PRR16: variants seen among roughly 807,000 people sequenced by gnomAD.
PRR16 encodes protein Largen.
A neutral mutation model predicts 18.2 loss-of-function variants in PRR16; 6 were observed. The observed-to-expected ratio is 0.33, with a 90% confidence interval of 0.18 to 0.65. The LOEUF is 0.65. Ranked by LOEUF, PRR16 falls within the 30% of genes least tolerant of loss-of-function variation. PRR16 has a pLI of 0.74. For synonymous variants in PRR16, 151 were observed against 147.8 expected (o/e 1.02, Z -0.16); for missense variants, 412 against 376.6 (o/e 1.09, Z -0.78).
intron 1 of PRR16, among the ~76,000 whole-genome samples, chr5:120,610,454 TC>T (rs1419266864): frequency 6.6e-6 from 1 of 152,034 alleles, no homozygotes; most frequent in East Asian, 1.9e-4. Context: ...TTTGGCTATG[TC>T]CCCACCCATA....
At chr5:120,556,616 T>C (rs1240735683) in intron 1 of PRR16, among the ~76,000 whole-genome samples, 1 of 151,994 alleles carries the variant, frequency 6.6e-6, no homozygotes, top group African/African-American at 2.4e-5. Context: ...AGTTTCATCT[T>C]TGCCATTTGC....
At chr5:120,733,788 T>A in the PRR16 span, among the ~76,000 whole-genome samples, 1 of 152,212 alleles carries the variant, frequency 6.6e-6, no homozygotes, top group African/African-American at 2.4e-5. Context: ...TGTAATTTTT[T>A]ATCAATTGTT....
intron 1 of PRR16, among the ~76,000 whole-genome samples, chr5:120,533,157 G>A (rs551307288): frequency 1.3e-5 from 2 of 152,290 alleles, no homozygotes; most frequent in East Asian, 1.9e-4. Flanking sequence ...GTGATCTAGA[G>A]TTCTGCGGAG....
rs768335132 is a variant in PRR16, at chr5:120,686,702, C to T, written c.908C>T (p.Thr303Ile). The T allele has an allele frequency of 2.0e-6, 3 of 1,509,942 alleles. No individual in the cohort carries two copies. The South Asian group carries it at 4.1e-5, about 21-fold the overall frequency. 93.5% of individuals were successfully genotyped at this position (1,509,942 alleles called of 1,614,324 possible). The change falls in exon 2 of 2, where the codon ACC (threonine) becomes ATC (isoleucine). Residue 303 changes from threonine (T) to isoleucine (I), a missense_variant. Physicochemically the swap from Thr to Ile is moderately conservative, Grantham distance 89. Transcript: ENST00000407149. ...ATCTTGAGGAAGTCAACCACTACAA[C>T]CGTGTGATGTATGCCATTAAAAAAA... ...KTILRKSTTT[T>I]V
At chr5:120,587,357 C>G (rs1466179585) in intron 1 of PRR16, among the ~76,000 whole-genome samples, 1 of 152,186 alleles carries the variant, frequency 6.6e-6, no homozygotes, top group African/African-American at 2.4e-5. Context: ...AAATAGCTTT[C>G]TATTGAAAGA....
At chr5:120,493,872 C>CT (rs1399292237) in intron 1 of PRR16, among the ~76,000 whole-genome samples, 1 of 151,802 alleles carries the variant, frequency 6.6e-6, no homozygotes, top group Non-Finnish European at 1.5e-5. Context: ...ATGGTTTATT[C>CT]TTTTTTTTGC....
chr5:120,648,167 C>G (rs1755658297), intron 1 of PRR16, among the ~76,000 whole-genome samples: 1 of 152,016 alleles, frequency 6.6e-6, no homozygotes, highest in Non-Finnish European at 1.5e-5. Context: ...GTTGTAGTCA[C>G]TAGATGTTTT....
rs114851275 is a variant in PRR16 at position 120,483,618 on chromosome 5, A to G, written c.159+18973A>G. On this transcript the variant is annotated intron_variant, in intron 1 of 1. Transcript: ENST00000407149. ...GGAAACACTGTTCTTGATCATGTTG[A>G]TTGAATAAATGTCAGAATGTGTCAT... 5.5e-3 allele frequency among the ~76,000 whole-genome samples: 830 copies of G among 152,280 alleles called. 4 individuals carry two copies. Among genetic ancestry groups the G allele is most frequent in the Middle Eastern group, 0.048 (14 of 294 alleles).
Position 120,685,918 on chromosome 5 carries a change from C to A in PRR16, c.160-36C>A. On this transcript the variant is annotated intron_variant, in intron 1 of 1. Coordinates refer to ENST00000407149, the MANE Select transcript of PRR16 (RefSeq NM_001300783.2). ...TGTTTCTAGTATACTTTGTTTGGGT[C>A]ATTCTTCAAAACAATTACCTTGTCC... The A allele has an allele frequency of 1.9e-6, 3 of 1,568,926 alleles. No individual in the cohort carries two copies. The South Asian group carries it at 3.5e-5, about 18-fold the overall frequency.
intron 1 of PRR16, among the ~76,000 whole-genome samples, chr5:120,563,630 G>T (rs1752645093): frequency 6.6e-6 from 1 of 152,078 alleles, no homozygotes; most frequent in South Asian, 2.1e-4. Context: ...GACTCACCAT[G>T]GGCCAGTGTG....
At chr5:120,487,284 G>A (rs1432407954) in intron 1 of PRR16, among the ~76,000 whole-genome samples, 22 of 152,144 alleles carry the variant, frequency 1.4e-4, no homozygotes, top group Admixed American at 1.4e-3. Context: ...CATGAGCATG[G>A]AATGTTCTTC....
the PRR16 span, among the ~76,000 whole-genome samples, chr5:120,704,322 C>G: frequency 1.3e-5 from 2 of 152,134 alleles, no homozygotes; most frequent in Non-Finnish European, 2.9e-5. Context: ...GTGTGGGAAA[C>G]TGACATTATT....
chr5:120,469,311 A>G (rs889753065), intron 1 of PRR16, among the ~76,000 whole-genome samples: 1 of 152,166 alleles, frequency 6.6e-6, no homozygotes, highest in African/African-American at 2.4e-5. Flanking sequence ...ATTATAGAGA[A>G]TAATCTCGGA....
chr5:120,706,829 G>C, the PRR16 span, among the ~76,000 whole-genome samples: 2 of 152,192 alleles, frequency 1.3e-5, no homozygotes, highest in African/African-American at 4.8e-5. Context: ...AAGGCAGGCT[G>C]TTTTTGCCAC....
At position 120,684,067 on chromosome 5, in the gene PRR16, C is replaced by T. The variant is rs529299020; in HGVS notation, c.160-1887C>T. On this transcript the variant is annotated intron_variant, in intron 1 of 1. Coordinates refer to ENST00000407149, the MANE Select transcript of PRR16 (RefSeq NM_001300783.2). ...GAGGAAAGTGAATGGATTTAAGATTCGTTATTTAGGAGCTAAAATAGAAGG... is the reference window on the plus strand; with the variant it reads ...GAGGAAAGTGAATGGATTTAAGATTTGTTATTTAGGAGCTAAAATAGAAGG... 8.5e-5 allele frequency among the ~76,000 whole-genome samples: 13 copies of T among 152,102 alleles called. No individual in the cohort carries two copies. The East Asian group carries it at 1.4e-3, about 16-fold the overall frequency.
chr5:120,771,607 A>G, the PRR16 span, among the ~76,000 whole-genome samples: 1 of 152,078 alleles, frequency 6.6e-6, no homozygotes, highest in Non-Finnish European at 1.5e-5. Flanking sequence ...TTTATTATTC[A>G]TAAATGAACT....
Position 120,515,525 on chromosome 5 carries a change from T to C in PRR16, c.159+50880T>C, listed in dbSNP as rs144209514. On this transcript the variant is annotated intron_variant, in intron 1 of 1. Transcript: ENST00000407149. ...AAGGGATGATGGGAACTTTGTAAAA[T>C]GTAACTGAGCATGGCACCTTTCCTT... Among the ~76,000 whole-genome samples, 116 of 152,328 alleles carry C rather than the reference T, an allele frequency of 7.6e-4. 1 individual carries two copies. The highest frequency in any genetic ancestry group is 2.7e-3 in the African/African-American group (112 of 41,580).
the PRR16 span, among the ~76,000 whole-genome samples, chr5:120,713,256 A>G: frequency 1.3e-5 from 2 of 152,200 alleles, no homozygotes; most frequent in Non-Finnish European, 2.9e-5. Flanking sequence ...GCATAATTTC[A>G]CTTACGTGTA....
At chr5:120,636,014 C>A (rs1755215955) in intron 1 of PRR16, among the ~76,000 whole-genome samples, 1 of 152,066 alleles carries the variant, frequency 6.6e-6, no homozygotes, top group Middle Eastern at 3.4e-3. Context: ...ACCCCTTTCA[C>A]AATGGCTGCA....
Sources: allele counts gnomAD v4.1 joint callset (sites outside exome capture counted in the v4.1 genomes callset), GRCh38; gene constraint gnomAD v4.1.1; transcripts MANE v1.5; gene names NCBI Gene and HGNC (gene_info 2026-07-23, HGNC 2026-07-21).